Variants in NOM1 observed in about 807,000 individuals in gnomAD.
NOM1 encodes nucleolar protein with MIF4G domain 1.
Under a neutral mutation model 73.3 loss-of-function variants are expected in NOM1, and 58 were observed. That is an observed-to-expected ratio of 0.79 (90% CI 0.64 to 0.99). The LOEUF (loss-of-function observed/expected upper bound fraction) is 0.99. Ranked by LOEUF, NOM1 falls within the 50% of genes least tolerant of loss-of-function variation. The pLI, the probability that NOM1 is intolerant of heterozygous loss-of-function variation, is 0.00. For synonymous variants in NOM1, 487 were observed against 446.8 expected (o/e 1.09, Z -1.14); for missense variants, 1,226 against 1,131.9 (o/e 1.08, Z -1.19).
chr7:156,960,192 G>C lies in NOM1; in HGVS notation c.1632+18G>C. ...AGACCAGGGTACGCGTGCGACGCTTGATCTGCTTCCTAAGTCCCTAAAGCT... is the reference window on the plus strand; with the variant it reads ...AGACCAGGGTACGCGTGCGACGCTTCATCTGCTTCCTAAGTCCCTAAAGCT... On this transcript the variant is annotated intron_variant, in intron 4 of 10. Coordinates refer to ENST00000275820, the MANE Select transcript of NOM1 (RefSeq NM_138400.2). 8.8e-6 allele frequency: 14 copies of C among 1,593,944 alleles called. No homozygotes were observed. Among genetic ancestry groups the C allele is most frequent in the East Asian group, 2.2e-5 (1 of 44,804 alleles).
intron 7 of NOM1, among the ~76,000 whole-genome samples, chr7:156,965,234 A>G (rs1804965513): frequency 6.6e-6 from 1 of 152,192 alleles, no homozygotes; most frequent in Admixed American, 6.5e-5. Flanking sequence ...CCGTATTCGG[A>G]TCTCACCAGA....
At chr7:156,966,606 C>T (rs1264249306) in intron 8 of NOM1, among the ~76,000 whole-genome samples, 4 of 152,180 alleles carry the variant, frequency 2.6e-5, no homozygotes, top group African/African-American at 9.7e-5. Flanking sequence ...CCACCATGTC[C>T]TCATGTCACC....
rs761596416 is a variant in NOM1 at position 156,969,572 on chromosome 7, A to C, written c.2452A>C (p.Lys818Gln). ...PKLGVLREGL[K>Q]LFISHFLLKN... Reference sequence around the variant, plus strand: ...GCTGGGGGTGTTACGTGAGGGTTTGAAGCTTTTCATCAGCCACTTCTTGCT... The same window carrying C: ...GCTGGGGGTGTTACGTGAGGGTTTGCAGCTTTTCATCAGCCACTTCTTGCT... The change falls in exon 11 of 11, where the codon AAG (lysine) becomes CAG (glutamine). Residue 818 changes from lysine (K) to glutamine (Q), a missense_variant. Physicochemically the swap from Lys to Gln is moderately conservative, Grantham distance 53. Transcript: ENST00000275820. The C allele has an allele frequency of 2.2e-5, 36 of 1,614,050 alleles. No individual in the cohort carries two copies. In the South Asian group the frequency reaches 3.8e-4, roughly 17 times the overall value.
Position 156,972,104 on chromosome 7 carries a change from TCTTA to T in NOM1, c.*2404_*2407del, listed in dbSNP as rs1805153518. The T allele has an allele frequency of 6.6e-6, 1 of 152,230 alleles. No homozygotes were observed. The highest frequency in any genetic ancestry group is 2.1e-4 in the South Asian group (1 of 4,834). The allele number at this position is 152,230 out of a possible 1,614,324, so 9.4% of individuals were successfully genotyped here. A position where few individuals can be genotyped will look rare whatever the true frequency, so the allele number is the denominator to read the frequency against. The stretch of plus-strand genomic sequence containing the variant: ...CACACTGCTTCCTTCCTCCAGAAGG[TCTTA>T]CTGTGAAGGAAAAAATGTCAGTTGA... On this transcript the variant is annotated 3_prime_UTR_variant, in exon 11 of 11. Coordinates refer to ENST00000275820, the MANE Select transcript of NOM1 (RefSeq NM_138400.2).
At position 156,969,552 on chromosome 7, in the gene NOM1, G is replaced by A; in HGVS notation, c.2432G>A (p.Gly811Glu). The A allele has an allele frequency of 2.5e-6, 4 of 1,613,818 alleles. No homozygotes were observed. The highest frequency in any genetic ancestry group is 3.4e-6 in the Non-Finnish European group (4 of 1,179,860). The change falls in exon 11 of 11, where the codon GGG becomes GAG. Residue 811 changes from glycine to glutamate, a missense_variant. By Grantham distance (98) the Gly-to-Glu change is moderately conservative. Coordinates refer to ENST00000275820, the MANE Select transcript of NOM1 (RefSeq NM_138400.2). Reference protein sequence around the residue: ...FTRVSDNPKLGVLREGLKLFI... With the variant: ...FTRVSDNPKLEVLREGLKLFI... The stretch of plus-strand genomic sequence containing the variant: ...AGAGTATCTGACAACCCAAAGCTGG[G>A]GGTGTTACGTGAGGGTTTGAAGCTT...
At position 156,949,757 on chromosome 7, in the gene NOM1, C is replaced by T; in HGVS notation, c.20C>T (p.Ala7Val). 2.2e-6 allele frequency: 3 copies of T among 1,393,940 alleles called. No individual in the cohort carries two copies. The highest frequency in any genetic ancestry group is 3.3e-5 in the South Asian group (2 of 61,044). 86.3% of individuals were successfully genotyped at this position (1,393,940 alleles called of 1,614,324 possible). MAASRS[A>V]GEAGPGGSQG... Reference sequence around the variant, plus strand: ...CGAAAGATGGCGGCGTCCAGGAGCGCGGGAGAGGCCGGCCCGGGCGGCTCC... The same window carrying T: ...CGAAAGATGGCGGCGTCCAGGAGCGTGGGAGAGGCCGGCCCGGGCGGCTCC... Residue 7 changes from alanine to valine, a missense_variant, in exon 1 of 11, where the codon GCG becomes GTG. Transcript: ENST00000275820.
chr7:156,954,756 T>C (rs12698000), intron 3 of NOM1, among the ~76,000 whole-genome samples: 118,251 of 151,982 alleles, frequency 0.78, 46,096 homozygotes, highest in Admixed American at 0.85. Flanking sequence ...ATCCTCCTGC[T>C]TTGGCGTCCC....
rs550259499 is a variant in NOM1, at chr7:156,962,170, C to T, written c.1652C>T (p.Thr551Met). The change falls in exon 5 of 11, where the codon ACG (threonine) becomes ATG (methionine). Residue 551 changes from threonine to methionine, a missense_variant. Thr to Met is a moderately conservative substitution (Grantham distance 81). Coordinates refer to ENST00000275820, the MANE Select transcript of NOM1 (RefSeq NM_138400.2). ...DQTRIRFMLE[T>M]MLALKNNDMR... ...TTGAAGATTCGGTTTATGCTAGAGA[C>T]GATGTTGGCCCTGAAGAACAATGAC... The T allele has an allele frequency of 9.9e-6, 16 of 1,613,798 alleles. No individual in the cohort carries two copies. The highest frequency in any genetic ancestry group is 2.2e-5 in the East Asian group (1 of 44,874).
At chr7:156,952,715 C>T (rs1804625213) in intron 2 of NOM1, 117 bp downstream of exon 2, 1 of 1,147,774 alleles carries the variant, frequency 8.7e-7, no homozygotes, top group Non-Finnish European at 1.2e-6. Context: ...TGGATCCTTT[C>T]TGTTCTTGGC....
At chr7:156,955,929 T>G (rs11768381) in intron 3 of NOM1, among the ~76,000 whole-genome samples, 118,375 of 152,116 alleles carry the variant, frequency 0.78, 46,146 homozygotes, top group Admixed American at 0.85. Flanking sequence ...GGTGGCTCAC[T>G]CGTGTAATCC....
chr7:156,967,757 T>C (rs563672894), intron 9 of NOM1, among the ~76,000 whole-genome samples: 1 of 152,234 alleles, frequency 6.6e-6, no homozygotes, highest in East Asian at 1.9e-4. Flanking sequence ...ACCCCTGACC[T>C]TGTGATCTGC....
chr7:156,968,685 TTTTATA>T (rs1012688466), intron 9 of NOM1: 2 of 97,474 alleles, frequency 2.1e-5, no homozygotes, highest in African/African-American at 4.1e-5. Context: ...TAGAAGTAAA[TTTTATA>T]TATATATATA....
chr7:156,962,897 C>T, intron 5 of NOM1, 111 bp from the exon 6 acceptor site: 1 of 1,188,634 alleles, frequency 8.4e-7, no homozygotes, highest in Non-Finnish European at 1.2e-6. Context: ...TGACCCATTC[C>T]AGTATTCATG....
Position 156,968,142 on chromosome 7 carries a change from C to A in NOM1, c.2299-945C>A, listed in dbSNP as rs56833991. Among the ~76,000 whole-genome samples, 832 of 152,314 alleles carry A rather than the reference C, an allele frequency of 5.5e-3. 15 individuals are homozygous for A. The highest frequency in any genetic ancestry group is 0.019 in the African/African-American group (776 of 41,562). ...CTGAAAATGAGGGCACCGAGCCTTA[C>A]GCCAAATCCTGACAACTGGAATAAC... is the stretch of plus-strand genomic sequence containing the variant. On this transcript the variant is annotated intron_variant, in intron 9 of 10. Transcript: ENST00000275820.
chr7:156,963,791 G>T, intron 6 of NOM1, 114 bp from the exon 7 acceptor site: 1 of 1,266,116 alleles, frequency 7.9e-7, no homozygotes, highest in African/African-American at 1.5e-5. Context: ...GGTGCCATCC[G>T]CCCACGTAGA....
intron 3 of NOM1, among the ~76,000 whole-genome samples, chr7:156,955,353 C>T (rs1032671013): frequency 3.3e-5 from 5 of 152,104 alleles, no homozygotes; most frequent in African/African-American, 4.8e-5. Flanking sequence ...GAAGTAAATC[C>T]GTCCAACTAA....
intron 1 of NOM1, among the ~76,000 whole-genome samples, chr7:156,951,121 C>T (rs768787937): frequency 6.6e-5 from 10 of 152,182 alleles, no homozygotes; most frequent in Non-Finnish European, 1.5e-4. Context: ...ATTTACAGCA[C>T]TCCCTTAGAT....
rs1471835505 is a variant in NOM1 at position 156,968,348 on chromosome 7, T to C, written c.2299-739T>C. Reference sequence around the variant, plus strand: ...TGCCCCCCGCCCTGCCCCTCCGGGCTGCTCTCATTCCGAGTTTCTCTGTGT... The same window carrying C: ...TGCCCCCCGCCCTGCCCCTCCGGGCCGCTCTCATTCCGAGTTTCTCTGTGT... On this transcript the variant is annotated intron_variant, in intron 9 of 10. Transcript: ENST00000275820. Among the ~76,000 whole-genome samples the C allele has an allele frequency of 1.3e-5, 2 of 152,288 alleles. 1 individual carries two copies. The highest frequency in any genetic ancestry group is 4.1e-4 in the South Asian group (2 of 4,824).
chr7:156,960,161 A>G lies in NOM1; in HGVS notation c.1619A>G (p.Gln540Arg). ...TKASGAGSEF[Q>R]DQTRIRFMLE... The stretch of plus-strand genomic sequence containing the variant: ...GCCAGCGGGGCAGGCAGCGAGTTTC[A>G]GGACCAGACCAGGGTACGCGTGCGA... Residue 540 changes from glutamine (Q) to arginine (R), a missense_variant, in exon 4 of 11, where the codon CAG (glutamine) becomes CGG (arginine). Coordinates refer to ENST00000275820, the MANE Select transcript of NOM1 (RefSeq NM_138400.2). 1 of 1,613,202 alleles carries G rather than the reference A, an allele frequency of 6.2e-7. No homozygotes were observed.
Sources: allele counts gnomAD v4.1 joint callset (sites outside exome capture counted in the v4.1 genomes callset), GRCh38; gene constraint gnomAD v4.1.1; transcripts MANE v1.5; gene names NCBI Gene and HGNC (gene_info 2026-07-23, HGNC 2026-07-21).